Variants in DRC5 observed in about 807,000 individuals in gnomAD.
The protein encoded by DRC5 is dynein regulatory complex subunit 5, also known as T-complex-associated testis-expressed protein 1.
chr6:44,289,909 A>G, the DRC5 span, among the ~76,000 whole-genome samples: 1 of 152,154 alleles, frequency 6.6e-6, no homozygotes, highest in African/African-American at 2.4e-5. Context: ...TGCACTGGGT[A>G]GTGGCCGGTG....
At chr6:44,284,792 T>G in the DRC5 span, among the ~76,000 whole-genome samples, 1 of 152,174 alleles carries the variant, frequency 6.6e-6, no homozygotes, top group East Asian at 1.9e-4. Flanking sequence ...GACACTACCC[T>G]CGCTGAAATG....
the DRC5 span, among the ~76,000 whole-genome samples, chr6:44,293,541 C>A: frequency 1.3e-5 from 2 of 152,158 alleles, no homozygotes; most frequent in Non-Finnish European, 2.9e-5. Flanking sequence ...GATGAAGAAA[C>A]AAGGAAACAG....
chr6:44,297,668 G>C, the DRC5 span: 4 of 152,162 alleles, frequency 2.6e-5, no homozygotes, highest in Admixed American at 2.0e-4. Flanking sequence ...CCCGCTCCGG[G>C]AGCCCCGGCG....
chr6:44,290,448 T>A, the DRC5 span, among the ~76,000 whole-genome samples: 1 of 152,156 alleles, frequency 6.6e-6, no homozygotes, highest in African/African-American at 2.4e-5. Flanking sequence ...AGAGACCACA[T>A]CCAGGAGACC....
At chr6:44,282,327 T>A in the DRC5 span, 1 of 1,614,226 alleles carries the variant, frequency 6.2e-7, no homozygotes, top group Non-Finnish European at 8.5e-7. Context: ...GTTGGTGTTG[T>A]GTGCCAGAGC....
the DRC5 span, chr6:44,287,705 A>C: frequency 6.2e-7 from 1 of 1,614,136 alleles, no homozygotes; most frequent in Non-Finnish European, 8.5e-7. Flanking sequence ...GGTGTGATTG[A>C]AGGCTTTGAG....
the DRC5 span, among the ~76,000 whole-genome samples, chr6:44,296,358 G>A: frequency 1.3e-5 from 2 of 152,204 alleles, no homozygotes; most frequent in Non-Finnish European, 2.9e-5. Context: ...CTGGGTATAG[G>A]AGACTTCCGC....
chr6:44,280,306 C>T, the DRC5 span: 1 of 1,614,220 alleles, frequency 6.2e-7, no homozygotes, highest in Non-Finnish European at 8.5e-7. Flanking sequence ...TACTCGCTTT[C>T]CTGGGCCACA....
At chr6:44,288,321 G>C in the DRC5 span, among the ~76,000 whole-genome samples, 1 of 152,090 alleles carries the variant, frequency 6.6e-6, no homozygotes, top group African/African-American at 2.4e-5. Flanking sequence ...TTCAGAAAAG[G>C]CTTTTTCAGA....
the DRC5 span, chr6:44,286,278 G>A: frequency 6.2e-7 from 1 of 1,612,978 alleles, no homozygotes. Flanking sequence ...AGCAGGTCGA[G>A]GATCACCGCA....
At chr6:44,279,751 GTGT>G in the DRC5 span, 212 of 28,852 alleles carry the variant, frequency 7.3e-3, no homozygotes, top group East Asian at 0.013. Flanking sequence ...GCCAGAGGGT[GTGT>G]GTGTGTGTGT....
At chr6:44,283,110 C>T in the DRC5 span, among the ~76,000 whole-genome samples, 5 of 152,264 alleles carry the variant, frequency 3.3e-5, no homozygotes, top group East Asian at 5.8e-4. Flanking sequence ...CCGCTTGGGT[C>T]TTTCACAACC....
chr6:44,296,048 C>T, the DRC5 span, among the ~76,000 whole-genome samples: 1 of 152,196 alleles, frequency 6.6e-6, no homozygotes, highest in Non-Finnish European at 1.5e-5. Context: ...TTATTTAACA[C>T]TATTGTCCCC....
At chr6:44,291,653 G>A in the DRC5 span, among the ~76,000 whole-genome samples, 23,888 of 152,176 alleles carry the variant, frequency 0.16, 2,183 homozygotes, top group East Asian at 0.4. Flanking sequence ...CGCCATGGTC[G>A]TCCACTCATT....
the DRC5 span, chr6:44,286,191 G>A: frequency 2.5e-6 from 4 of 1,611,502 alleles, no homozygotes; most frequent in African/African-American, 1.3e-5. Context: ...TCGCCCGGCC[G>A]GAGCTGGGCC....
the DRC5 span, among the ~76,000 whole-genome samples, chr6:44,281,685 G>T: frequency 1.3e-5 from 2 of 152,204 alleles, no homozygotes; most frequent in African/African-American, 4.8e-5. Flanking sequence ...GTGCCTGGTC[G>T]TAAATTGCAT....
chr6:44,285,013 C>T, the DRC5 span, among the ~76,000 whole-genome samples: 3 of 152,242 alleles, frequency 2.0e-5, no homozygotes, highest in African/African-American at 4.8e-5. Context: ...CTCCTTCACC[C>T]AGCAAGGCTG....
the DRC5 span, chr6:44,285,844 A>G: frequency 1.0e-6 from 1 of 974,584 alleles, no homozygotes; most frequent in Non-Finnish European, 1.5e-6. Context: ...ATTAAAAAAC[A>G]CTTGGCCAAT....
chr6:44,288,911 T>C, the DRC5 span, among the ~76,000 whole-genome samples: 1 of 122,834 alleles, frequency 8.1e-6, no homozygotes, highest in Non-Finnish European at 1.6e-5. Flanking sequence ...TGACAATCAG[T>C]TAAACCTGGG....
Sources: gnomAD v4.1 joint callset for allele counts (sites outside exome capture counted in the v4.1 genomes callset) on GRCh38, gnomAD v4.1.1 for gene constraint, MANE v1.5 for transcripts, NCBI Gene and HGNC (gene_info 2026-07-23, HGNC 2026-07-21) for gene names.